Variants in MAP3K4 observed in about 807,000 individuals in gnomAD.
The protein encoded by MAP3K4 is MAP three kinase 1.
A neutral mutation model predicts 185.6 loss-of-function variants in MAP3K4; 67 were observed. The ratio of observed to expected loss-of-function variants is 0.36; its 90% CI spans 0.30 to 0.44. The LOEUF is 0.44. MAP3K4 is among the 20% of genes least tolerant of loss of function. The pLI, the probability that MAP3K4 is intolerant of heterozygous loss-of-function variation, is 1.00. For synonymous variants in MAP3K4, 702 were observed against 710.4 expected (o/e 0.99, Z 0.19); for missense variants, 1,551 against 1,995.1 (o/e 0.78, Z 4.24).
At position 161,059,207 on chromosome 6, in the gene MAP3K4, CT is replaced by C. The variant is rs565394522; in HGVS notation, c.1707+9230del. Among the ~76,000 whole-genome samples the C allele has an allele frequency of 1.1e-4, 17 of 152,096 alleles. No individual in the cohort carries two copies. In the South Asian group the frequency reaches 3.5e-3, roughly 32 times the overall value. On this transcript the variant is annotated intron_variant, in intron 3 of 26. Transcript: ENST00000392142. ...CTGGAGTACAGTGGCACAGTCTCGGCTTATGGCAGCCTCCACCTCCCAAGTT... is the reference window on the plus strand; with the variant it reads ...CTGGAGTACAGTGGCACAGTCTCGGCTATGGCAGCCTCCACCTCCCAAGTT...
intron 1 of MAP3K4, among the ~76,000 whole-genome samples, chr6:161,015,600 G>C (rs944612754): frequency 2.0e-5 from 3 of 152,112 alleles, no homozygotes; most frequent in Non-Finnish European, 2.9e-5. Context: ...ATCTGCTTCC[G>C]GTGAGGGCCT....
At chr6:161,045,603 C>CT (rs1362028879) in intron 2 of MAP3K4, among the ~76,000 whole-genome samples, 3 of 152,190 alleles carry the variant, frequency 2.0e-5, no homozygotes, top group African/African-American at 7.2e-5. Context: ...AGCCAGTCTT[C>CT]TGGGACTATT....
At chr6:161,050,780 T>C (rs966285084) in intron 3 of MAP3K4, among the ~76,000 whole-genome samples, 1 of 152,226 alleles carries the variant, frequency 6.6e-6, no homozygotes, top group African/African-American at 2.4e-5. Flanking sequence ...TTCTGGTGAG[T>C]TTGCATGTTC....
At position 161,049,391 on chromosome 6, in the gene MAP3K4, T is replaced by C; in HGVS notation, c.1119T>C (p.Ala373=). The change falls in exon 3 of 27, where the codon GCT becomes GCC. Residue 373 remains alanine (A), a synonymous_variant. Coordinates refer to ENST00000392142, the MANE Select transcript of MAP3K4 (RefSeq NM_005922.4). The surrounding 1 kb of genome is among the most constrained non-coding windows in gnomAD (Gnocchi z 8.4). Reference sequence around the variant, plus strand: ...AAGCACTTTATCCATCATTGCAGGCTCTTCAGAAGGACTATGAAAAATATG... The same window carrying C: ...AAGCACTTTATCCATCATTGCAGGCCCTTCAGAAGGACTATGAAAAATATG... ...YIEALYPSLQ[A]LQKDYEKYAA... The C allele has an allele frequency of 1.2e-6, 2 of 1,614,176 alleles. No homozygotes were observed. The highest frequency in any genetic ancestry group is 3.3e-4 in the Middle Eastern group (2 of 6,062).
chr6:160,994,942 G>A (rs893181051), intron 1 of MAP3K4, among the ~76,000 whole-genome samples: 1 of 152,094 alleles, frequency 6.6e-6, no homozygotes, highest in African/African-American at 2.4e-5. Flanking sequence ...CTCGTGATCC[G>A]CCCATCTTGG....
At chr6:161,035,439 T>C (rs1783120112) in intron 2 of MAP3K4, among the ~76,000 whole-genome samples, 1 of 152,156 alleles carries the variant, frequency 6.6e-6, no homozygotes, top group Non-Finnish European at 1.5e-5. Flanking sequence ...TGCATTCCCA[T>C]CAGAGCCCTT....
rs535188264 is a variant in MAP3K4, at chr6:161,028,629, A to G, written c.153-5630A>G. ...CTGCTCTTCAGTAATTGTTGGGGAG[A>G]TAGCTTCTTATTCATTTCCATAGGA... On this transcript the variant is annotated intron_variant, in intron 1 of 26. Transcript: ENST00000392142. Among the ~76,000 whole-genome samples, 28 of 152,156 alleles carry G rather than the reference A, an allele frequency of 1.8e-4. 1 individual carries two copies. The South Asian group carries it at 5.6e-3, about 31-fold the overall frequency.
At position 161,049,264 on chromosome 6, in the gene MAP3K4, G is replaced by A. The variant is rs1189768884; in HGVS notation, c.992G>A (p.Gly331Glu). ...GAAGGGCAGTGCAAAGCCACTCCTG[G>A]AACAAAGATTGTAGGTTACTCAACA... Reference protein sequence around the residue: ...SVEGQCKATPGTKIVGYSTHH... With the variant: ...SVEGQCKATPETKIVGYSTHH... The change falls in exon 3 of 27, where the codon GGA becomes GAA. Residue 331 changes from glycine (G) to glutamate (E), a missense_variant. Around this residue, in one of 16 missense-constraint regions of MAP3K4, gnomAD observed 93 missense variants for 96.7 expected, o/e 0.96. Transcript: ENST00000392142. This position sits in a 1 kb window ranked among gnomAD's most constrained non-coding sequence, Gnocchi z 8.4. 1 of 1,614,020 alleles carries A rather than the reference G, an allele frequency of 6.2e-7. No individual in the cohort carries two copies. The highest frequency in any genetic ancestry group is 1.7e-5 in the Admixed American group (1 of 59,994).
chr6:161,055,941 A>G (rs1450530956), intron 3 of MAP3K4, among the ~76,000 whole-genome samples: 1 of 152,204 alleles, frequency 6.6e-6, no homozygotes, highest in African/African-American at 2.4e-5. Flanking sequence ...CTAATGTATT[A>G]TTTGGAATTT....
chr6:161,078,914 T>C (rs1785305756), intron 5 of MAP3K4, among the ~76,000 whole-genome samples: 1 of 151,968 alleles, frequency 6.6e-6, no homozygotes, highest in Non-Finnish European at 1.5e-5. Context: ...CAAATTATGG[T>C]TTAAAAGGAG....
At chr6:161,099,258 G>A (rs769985992) in intron 17 of MAP3K4, among the ~76,000 whole-genome samples, 14 of 152,296 alleles carry the variant, frequency 9.2e-5, no homozygotes, top group African/African-American at 1.4e-4. Context: ...GTTCAGCCCC[G>A]AGGAGAAAAT....
chr6:161,115,670 A>G lies in MAP3K4; in HGVS notation c.4806+368A>G, dbSNP rs547335654. ...ATAATGGTATATAAGGTTACTCAGA[A>G]GAGGAATTTAATTAAGTCAGCCAAT... On this transcript the variant is annotated intron_variant, in intron 26 of 26. Coordinates refer to ENST00000392142, the MANE Select transcript of MAP3K4 (RefSeq NM_005922.4). The surrounding 1 kb of genome is among the most constrained non-coding windows in gnomAD (Gnocchi z 6.0). 6.6e-6 allele frequency among the ~76,000 whole-genome samples: 1 copy of G among 152,210 alleles called. No individual in the cohort carries two copies. The highest frequency in any genetic ancestry group is 2.4e-5 in the African/African-American group (1 of 41,458).
In MAP3K4 at chr6:161,049,786, G is replaced by T; in HGVS notation, c.1514G>T (p.Gly505Val). Residue 505 changes from glycine (G) to valine (V), a missense_variant, in exon 3 of 27, where the codon GGC becomes GTC. Gly to Val is a moderately radical substitution (Grantham distance 109). This residue lies in a region of MAP3K4 where 126 missense variants were observed against 112.8 expected (regional missense o/e 1.12). Transcript: ENST00000392142. The surrounding 1 kb of genome is among the most constrained non-coding windows in gnomAD (Gnocchi z 8.4). ...CTCGAATCTGAGGATGATTCTCTTGGCTGGGGAGCACCAGACTGGAGCACA... is the reference window on the plus strand; with the variant it reads ...CTCGAATCTGAGGATGATTCTCTTGTCTGGGGAGCACCAGACTGGAGCACA... ...ERLESEDDSLGWGAPDWSTEA... is the reference protein window; with the variant it reads ...ERLESEDDSLVWGAPDWSTEA... The T allele has an allele frequency of 6.2e-7, 1 of 1,614,128 alleles. No homozygotes were observed. Among genetic ancestry groups the T allele is most frequent in the South Asian group, 1.1e-5 (1 of 91,074 alleles).
At chr6:161,001,026 TATTATATATTATAATATA>T (rs1781280226) in intron 1 of MAP3K4, among the ~76,000 whole-genome samples, 1 of 14,230 alleles carries the variant, frequency 7.0e-5, no homozygotes, top group African/African-American at 4.9e-4. Flanking sequence ...ATATAATATA[TATTATATATTATAATATA>T]CACATATGTA....
At position 161,103,631 on chromosome 6, in the gene MAP3K4, G is replaced by A. The variant is rs941958466; in HGVS notation, c.3856+852G>A. 2.0e-5 allele frequency among the ~76,000 whole-genome samples: 3 copies of A among 152,178 alleles called. No homozygotes were observed. The highest frequency in any genetic ancestry group is 7.2e-5 in the African/African-American group (3 of 41,448). On this transcript the variant is annotated intron_variant, in intron 19 of 26. Coordinates refer to ENST00000392142, the MANE Select transcript of MAP3K4 (RefSeq NM_005922.4). The surrounding 1 kb of genome is among the most constrained non-coding windows in gnomAD (Gnocchi z 4.6). ...AGATCATGGACAGCCATCAGTGACT[G>A]CCTAAGTAATGAAGGCTTTGCCCAG...
At position 161,034,576 on chromosome 6, in the gene MAP3K4, T is replaced by TG; in HGVS notation, c.343+127_343+128insG. On this transcript the variant is annotated intron_variant, in intron 2 of 26. Transcript: ENST00000392142. This position sits in a 1 kb window ranked among gnomAD's most constrained non-coding sequence, Gnocchi z 4.4. ...TTAATGCTCCTGTAAAGTTCAATTT[T>TG]TTTTTGAATTATTACCATTAGTATT... 1.3e-6 allele frequency: 1 copy of TG among 758,272 alleles called. No individual in the cohort carries two copies. Among genetic ancestry groups the TG allele is most frequent in the African/African-American group, 1.8e-5 (1 of 56,160 alleles). 47.0% of individuals were successfully genotyped at this position (758,272 alleles called of 1,614,324 possible).
Position 161,103,864 on chromosome 6 carries a change from G to A in MAP3K4, c.3856+1085G>A, listed in dbSNP as rs1323930772. ...GATTTAAAAGAGGTAATGGCAGCAA[G>A]AAACAACTTTGGTGCAACCACTGAC... On this transcript the variant is annotated intron_variant, in intron 19 of 26. Transcript: ENST00000392142. This position sits in a 1 kb window ranked among gnomAD's most constrained non-coding sequence, Gnocchi z 4.6. Among the ~76,000 whole-genome samples the A allele has an allele frequency of 6.6e-6, 1 of 152,218 alleles. No homozygotes were observed. Among genetic ancestry groups the A allele is most frequent in the East Asian group, 1.9e-4 (1 of 5,198 alleles).
rs1271014734 is a variant in MAP3K4 at position 161,115,308 on chromosome 6, G to T, written c.4806+6G>T. On this transcript the variant is annotated splice_donor_region_variant and intron_variant, in intron 26 of 26. Transcript: ENST00000392142. The surrounding 1 kb of genome is among the most constrained non-coding windows in gnomAD (Gnocchi z 6.0). ...TCGACCATTCGTTTGTCAAGGTTTG[G>T]CAGATTACTGGATAGTCTTTTTCAT... 3 of 1,610,450 alleles carry T rather than the reference G, an allele frequency of 1.9e-6. No homozygotes were observed. Among genetic ancestry groups the T allele is most frequent in the African/African-American group, 1.3e-5 (1 of 74,824 alleles).
At chr6:160,993,643 T>G (rs1204389999) in intron 1 of MAP3K4, among the ~76,000 whole-genome samples, 2 of 151,892 alleles carry the variant, frequency 1.3e-5, no homozygotes, top group Non-Finnish European at 2.9e-5. Flanking sequence ...ATAACCCTAC[T>G]CCGGAAAGAA....
Sources: allele counts gnomAD v4.1 joint callset (sites outside exome capture counted in the v4.1 genomes callset), GRCh38; gene constraint gnomAD v4.1.1; regional missense constraint gnomAD v4.1.1; non-coding constraint Gnocchi (gnomAD v3.1); transcripts MANE v1.5; gene names NCBI Gene and HGNC (gene_info 2026-07-23, HGNC 2026-07-21).